Variants in ABCC11 observed in about 807,000 individuals in gnomAD.
ABCC11 encodes ATP binding cassette subfamily C member 11.
A neutral mutation model predicts 149.3 loss-of-function variants in ABCC11; 135 were observed. The ratio of observed to expected loss-of-function variants is 0.90; its 90% CI spans 0.79 to 1.04. The LOEUF (loss-of-function observed/expected upper bound fraction) is 1.04. ABCC11 is among the 50% of genes least tolerant of loss of function. The pLI is 0.00. For missense variants in ABCC11, 1,680 were observed against 1,722.1 expected, an observed-to-expected ratio of 0.98 and a Z score of 0.43; for synonymous variants, 665 against 671.4, an observed-to-expected ratio of 0.99 and a Z score of 0.15.
At chr16:48,194,401 G>A (rs1967201385) in intron 18 of ABCC11, among the ~76,000 whole-genome samples, 1 of 152,202 alleles carries the variant, frequency 6.6e-6, no homozygotes, top group Non-Finnish European at 1.5e-5. Flanking sequence ...AATAATAACA[G>A]TTACCTTTTA....
intron 13 of ABCC11, among the ~76,000 whole-genome samples, chr16:48,204,118 T>C (rs533236407): frequency 9.2e-5 from 14 of 151,964 alleles, no homozygotes; most frequent in Admixed American, 9.2e-4. Flanking sequence ...GGTCTTTGCT[T>C]CCATGGGTGA....
intron 28 of ABCC11, 71 bp from the exon 29 acceptor site, chr16:48,167,731 C>T (rs1375509024): frequency 1.3e-6 from 2 of 1,529,762 alleles, no homozygotes; most frequent in African/African-American, 2.7e-5. Flanking sequence ...CCCTGGTTTA[C>T]CACTAATTCA....
At chr16:48,182,977 C>G (rs751818197) in intron 23 of ABCC11, among the ~76,000 whole-genome samples, 2 of 152,262 alleles carry the variant, frequency 1.3e-5, no homozygotes, top group Non-Finnish European at 2.9e-5. Flanking sequence ...AGACTTAATG[C>G]TTGTAAAAAC....
At chr16:48,208,336 A>G in intron 12 of ABCC11, 89 bp downstream of exon 12, 1 of 1,434,680 alleles carries the variant, frequency 7.0e-7, no homozygotes. Flanking sequence ...TGAGGAAGAA[A>G]GCAGTGGGGG....
At chr16:48,175,207 C>T in intron 26 of ABCC11, 51 bp downstream of exon 26, 1 of 1,577,550 alleles carries the variant, frequency 6.3e-7, no homozygotes. Flanking sequence ...GTGCTGGAAT[C>T]CTGGTCCTGT....
chr16:48,235,996 T>C (rs1970667874), intron 1 of ABCC11, among the ~76,000 whole-genome samples: 1 of 152,164 alleles, frequency 6.6e-6, no homozygotes, highest in Non-Finnish European at 1.5e-5. Context: ...GATCAGAAGG[T>C]ACATCAGTGG....
intron 1 of ABCC11, among the ~76,000 whole-genome samples, chr16:48,243,199 A>G (rs1466889455): frequency 1.3e-5 from 2 of 151,816 alleles, no homozygotes; most frequent in African/African-American, 2.4e-5. Flanking sequence ...CAGGAGATTG[A>G]GACCATCCTG....
At chr16:48,228,369 G>A (rs1202854231) in intron 3 of ABCC11, among the ~76,000 whole-genome samples, 2 of 151,994 alleles carry the variant, frequency 1.3e-5, no homozygotes, top group Non-Finnish European at 2.9e-5. Context: ...CGAGGAGGGT[G>A]GATCACCTGA....
chr16:48,184,708 C>T, intron 22 of ABCC11, 82 bp from the exon 23 acceptor site: 1 of 1,390,886 alleles, frequency 7.2e-7, no homozygotes, highest in Admixed American at 2.1e-5. Context: ...CCGGCTGCTT[C>T]CTCCAGCATC....
rs1192236744 is a variant in ABCC11, at chr16:48,170,148, C to T, written c.3848G>A (p.Arg1283Lys). ...AGCCCTGGCAATGCAGAGCAGCTGC[C>T]TCTCCCCCACAGAGAAGTTTCCACC... Reference protein sequence around the residue: ...ENGGNFSVGERQLLCIARAVL... With the variant: ...ENGGNFSVGEKQLLCIARAVL... Residue 1283 changes from arginine to lysine, a missense_variant, in exon 28 of 30, where the codon AGG (arginine) becomes AAG (lysine). Physicochemically the swap from Arg to Lys is conservative, Grantham distance 26 (BLOSUM62 2). Coordinates refer to ENST00000356608, the MANE Select transcript of ABCC11 (RefSeq NM_001370497.1). The T allele has an allele frequency of 6.2e-7, 1 of 1,614,136 alleles. No homozygotes were observed. The highest frequency in any genetic ancestry group is 8.5e-7 in the Non-Finnish European group (1 of 1,179,988).
In ABCC11 at chr16:48,192,503, A is replaced by G; in HGVS notation, c.2706+17T>C. ...CAGAGCTCAGCCTTCGGCCCCACCCAGCACCCAGGCCCATACCTTGTTGAA... is the reference window on the plus strand; with the variant it reads ...CAGAGCTCAGCCTTCGGCCCCACCCGGCACCCAGGCCCATACCTTGTTGAA... On this transcript the variant is annotated intron_variant, in intron 20 of 29. Transcript: ENST00000356608. 1 of 1,613,904 alleles carries G rather than the reference A, an allele frequency of 6.2e-7. No homozygotes were observed. The highest frequency in any genetic ancestry group is 8.5e-7 in the Non-Finnish European group (1 of 1,179,798).
At chr16:48,208,644 G>T in intron 11 of ABCC11, 148 bp from the exon 12 acceptor site, 1 of 813,992 alleles carries the variant, frequency 1.2e-6, no homozygotes, top group Non-Finnish European at 1.9e-6. Context: ...GACAGGCAAA[G>T]CTCAAGAGGA....
At chr16:48,240,621 C>T (rs573075773) in intron 1 of ABCC11, among the ~76,000 whole-genome samples, 62 of 152,082 alleles carry the variant, frequency 4.1e-4, no homozygotes, top group African/African-American at 1.3e-3. Flanking sequence ...CAAACCACCA[C>T]GGCACATGTT....
intron 20 of ABCC11, among the ~76,000 whole-genome samples, chr16:48,189,481 CT>C (rs1757148174): frequency 6.6e-6 from 1 of 152,040 alleles, no homozygotes; most frequent in Non-Finnish European, 1.5e-5. Context: ...AAGATTTATC[CT>C]TTACTTGTGA....
intron 18 of ABCC11, among the ~76,000 whole-genome samples, chr16:48,194,425 A>G (rs1379101902): frequency 6.6e-6 from 1 of 152,224 alleles, no homozygotes; most frequent in East Asian, 1.9e-4. Flanking sequence ...GGTACGTACT[A>G]TTATGTGCTA....
rs79108389 is a variant in ABCC11 at position 48,189,261 on chromosome 16, C to G, written c.2707-1834G>C. 4.8e-3 allele frequency among the ~76,000 whole-genome samples: 738 copies of G among 152,302 alleles called. 2 individuals are homozygous for G. Among genetic ancestry groups the G allele is most frequent in the African/African-American group, 0.017 (722 of 41,564 alleles). ...GCATGGCAGGGTTGTGGAGGGGACACAGGAGTGGACGTCAGCTCCACTGTG... is the reference window on the plus strand; with the variant it reads ...GCATGGCAGGGTTGTGGAGGGGACAGAGGAGTGGACGTCAGCTCCACTGTG... On this transcript the variant is annotated intron_variant, in intron 20 of 29. Transcript: ENST00000356608.
chr16:48,237,554 C>T (rs2150933408), intron 1 of ABCC11, among the ~76,000 whole-genome samples: 1 of 152,288 alleles, frequency 6.6e-6, no homozygotes, highest in South Asian at 2.1e-4. Context: ...TCCTTACGTT[C>T]CATTCTCCAC....
At chr16:48,198,637 A>ATT (rs201789068) in intron 15 of ABCC11, among the ~76,000 whole-genome samples, 2 of 143,116 alleles carry the variant, frequency 1.4e-5, no homozygotes, top group Non-Finnish European at 1.5e-5. Context: ...ACACTGAAGT[A>ATT]TTTTTTTTTT....
At chr16:48,195,245 C>T (rs537162941) in intron 18 of ABCC11, among the ~76,000 whole-genome samples, 19 of 152,308 alleles carry the variant, frequency 1.2e-4, no homozygotes, top group Non-Finnish European at 1.5e-5. Context: ...CTTTATACCC[C>T]TCCCCTCTAG....
Sources: gnomAD v4.1 joint callset for allele counts (sites outside exome capture counted in the v4.1 genomes callset) on GRCh38, gnomAD v4.1.1 for gene constraint, MANE v1.5 for transcripts, NCBI Gene and HGNC (gene_info 2026-07-23, HGNC 2026-07-21) for gene names.